Variants in SPATA31G1 observed in about 807,000 individuals in gnomAD.
SPATA31G1 encodes SPATA31 subfamily G member 1, also known as spermatogenesis-associated protein 31G1.
the SPATA31G1 span, chr9:35,043,789 T>C: frequency 1.9e-6 from 3 of 1,614,064 alleles, no homozygotes; most frequent in Non-Finnish European, 2.5e-6. Flanking sequence ...TCAATGCCAG[T>C]CCCTTGCCCT....
At chr9:35,042,742 C>A in the SPATA31G1 span, 6 of 1,362,788 alleles carry the variant, frequency 4.4e-6, no homozygotes, top group Admixed American at 2.0e-5. Flanking sequence ...ACTGGCCACA[C>A]ACGTGGGATT....
chr9:35,042,344 C>T, the SPATA31G1 span: 1 of 1,614,248 alleles, frequency 6.2e-7, no homozygotes, highest in Non-Finnish European at 8.5e-7. Flanking sequence ...CCTGCAGACA[C>T]TGCGGCAGCA....
At chr9:35,045,545 C>T in the SPATA31G1 span, 101 of 1,614,062 alleles carry the variant, frequency 6.3e-5, no homozygotes, top group Non-Finnish European at 8.1e-5. Context: ...CAGGGAAGAA[C>T]CACCCTGCCC....
At chr9:35,044,297 G>T in the SPATA31G1 span, 1 of 1,614,120 alleles carries the variant, frequency 6.2e-7, no homozygotes, top group Non-Finnish European at 8.5e-7. Context: ...CGGCTTCTAG[G>T]TCTCCATCTC....
the SPATA31G1 span, chr9:35,042,594 G>T: frequency 6.6e-7 from 1 of 1,520,874 alleles, no homozygotes; most frequent in Non-Finnish European, 8.9e-7. Flanking sequence ...TAGATGTGAG[G>T]CTGGGTGAGT....
chr9:35,042,188 G>A, the SPATA31G1 span: 1 of 1,561,442 alleles, frequency 6.4e-7, no homozygotes, highest in Non-Finnish European at 8.7e-7. Context: ...CCTCTGTGGG[G>A]GATGGGAGTT....
At chr9:35,045,896 G>A in the SPATA31G1 span, 1 of 1,559,494 alleles carries the variant, frequency 6.4e-7, no homozygotes, top group Non-Finnish European at 8.7e-7. Context: ...ACTAGCACTT[G>A]GTATGCCAAG....
the SPATA31G1 span, chr9:35,043,974 T>C: frequency 1.2e-6 from 2 of 1,613,084 alleles, no homozygotes; most frequent in African/African-American, 2.7e-5. Flanking sequence ...CCCACCAGCA[T>C]CTGAGACACC....
At chr9:35,042,816 T>C in the SPATA31G1 span, 1 of 1,580,134 alleles carries the variant, frequency 6.3e-7, no homozygotes, top group Non-Finnish European at 8.6e-7. Flanking sequence ...ACCTTGTGTA[T>C]CTGAAAAGGC....
chr9:35,042,948 GA>G, the SPATA31G1 span: 4 of 1,614,074 alleles, frequency 2.5e-6, no homozygotes, highest in Admixed American at 3.3e-5. Context: ...AGAAGAGGAA[GA>G]GGGGGAAGAC....
the SPATA31G1 span, chr9:35,041,141 T>C: frequency 2.2e-6 from 1 of 454,286 alleles, no homozygotes; most frequent in African/African-American, 2.0e-5. Flanking sequence ...AGTTAACTTG[T>C]GGAATGCTGA....
chr9:35,044,170 A>C, the SPATA31G1 span: 1 of 1,614,134 alleles, frequency 6.2e-7, no homozygotes. Context: ...GATTCCCCAG[A>C]CCCTGTTCAT....
chr9:35,045,622 G>A, the SPATA31G1 span: 1 of 1,614,202 alleles, frequency 6.2e-7, no homozygotes. Context: ...AGGGGCCAGA[G>A]CTCTCAACAC....
chr9:35,043,511 C>T, the SPATA31G1 span: 2 of 1,614,172 alleles, frequency 1.2e-6, no homozygotes, highest in East Asian at 4.5e-5. Flanking sequence ...TCCCTGTGGA[C>T]CACAAGGGAG....
chr9:35,041,327 G>A, the SPATA31G1 span: 1 of 218,120 alleles, frequency 4.6e-6, no homozygotes, highest in Non-Finnish European at 9.5e-6. Context: ...AGAGGTCTTT[G>A]AATAAATTTT....
At chr9:35,044,361 A>T in the SPATA31G1 span, 1 of 1,613,960 alleles carries the variant, frequency 6.2e-7, no homozygotes, top group Non-Finnish European at 8.5e-7. Flanking sequence ...AGTTAGATCC[A>T]TGGGGGTCCT....
At chr9:35,044,428 C>G in the SPATA31G1 span, 1 of 1,614,134 alleles carries the variant, frequency 6.2e-7, no homozygotes, top group Non-Finnish European at 8.5e-7. Context: ...TCCTGGGCCT[C>G]TAAGCACCCA....
the SPATA31G1 span, chr9:35,042,221 G>C: frequency 6.2e-7 from 1 of 1,603,922 alleles, no homozygotes; most frequent in Non-Finnish European, 8.5e-7. Flanking sequence ...ATGCAATGAT[G>C]ACCTCAGGGT....
the SPATA31G1 span, chr9:35,045,110 C>T: frequency 9.9e-6 from 16 of 1,614,190 alleles, no homozygotes; most frequent in Non-Finnish European, 1.4e-5. Flanking sequence ...GACTCCCTTC[C>T]TGCCCACCAC....
Sources: allele counts gnomAD v4.1 joint callset, GRCh38; gene constraint gnomAD v4.1.1; transcripts MANE v1.5; gene names NCBI Gene and HGNC (gene_info 2026-07-23, HGNC 2026-07-21).